The following CAMK1D variants were observed in gnomAD, a reference collection of about 807,000 sequenced individuals.
The protein encoded by CAMK1D is calcium/calmodulin-dependent protein kinase type 1D.
Under a neutral mutation model 47.7 loss-of-function variants are expected in CAMK1D, and 9 were observed. The ratio of observed to expected loss-of-function variants is 0.19; its 90% confidence interval spans 0.11 to 0.33. The LOEUF (loss-of-function observed/expected upper bound fraction) is 0.33. Among genes scored for constraint, CAMK1D ranks in the 10% least tolerant of loss-of-function variants. The pLI is 1.00. For missense variants in CAMK1D, 291 were observed against 488.7 expected (o/e 0.60, Z 3.81); for synonymous variants, 184 against 184.9 (o/e 0.99, Z 0.04).
intron 1 of CAMK1D, among the ~76,000 whole-genome samples, chr10:12,546,603 A>G (rs866141725): frequency 6.6e-6 from 1 of 152,088 alleles, no homozygotes; most frequent in Middle Eastern, 3.2e-3. Flanking sequence ...AATGTGGCAC[A>G]TATACACCAT....
intron 2 of CAMK1D, among the ~76,000 whole-genome samples, chr10:12,593,194 G>A (rs528965850): frequency 6.6e-6 from 1 of 152,170 alleles, no homozygotes; most frequent in African/African-American, 2.4e-5. Flanking sequence ...CAGGTGGTGG[G>A]CCAGTTGTAG....
At chr10:12,392,287 G>A (rs1838763974) in intron 1 of CAMK1D, among the ~76,000 whole-genome samples, 1 of 152,082 alleles carries the variant, frequency 6.6e-6, no homozygotes. Flanking sequence ...GGGTGATACA[G>A]CAAGACTCTG....
intron 1 of CAMK1D, among the ~76,000 whole-genome samples, chr10:12,366,184 C>T (rs921098690): frequency 4.6e-5 from 7 of 152,244 alleles, no homozygotes; most frequent in African/African-American, 1.7e-4. Context: ...AAGTTACCAA[C>T]ACAAACCCCA....
intron 10 of CAMK1D, among the ~76,000 whole-genome samples, chr10:12,827,184 C>T (rs199589490): frequency 7.9e-5 from 11 of 138,470 alleles, no homozygotes; most frequent in South Asian, 2.4e-4. Context: ...TCTCTTCTCT[C>T]TTTTCTTTTC....
chr10:12,353,227 A>G (rs1289247506), intron 1 of CAMK1D, among the ~76,000 whole-genome samples: 1 of 152,154 alleles, frequency 6.6e-6, no homozygotes, highest in East Asian at 1.9e-4. Context: ...ACAATTAACC[A>G]CTGGCATTCA....
intron 2 of CAMK1D, among the ~76,000 whole-genome samples, chr10:12,572,144 G>A (rs897318272): frequency 1.3e-5 from 2 of 151,452 alleles, no homozygotes; most frequent in African/African-American, 4.9e-5. Context: ...GGAAGTGGAA[G>A]ACTCTTGATT....
chr10:12,615,965 TATGTGTGC>T (rs1271090009), intron 2 of CAMK1D, among the ~76,000 whole-genome samples: 1 of 151,282 alleles, frequency 6.6e-6, no homozygotes, highest in Non-Finnish European at 1.5e-5. Flanking sequence ...CATAGGTGTG[TATGTGTGC>T]ATGTGTGTTG....
chr10:12,404,058 T>C (rs1170145254), intron 1 of CAMK1D, among the ~76,000 whole-genome samples: 1 of 151,846 alleles, frequency 6.6e-6, no homozygotes, highest in African/African-American at 2.4e-5. Flanking sequence ...TTTCTTTTTT[T>C]TTTTGAGACT....
chr10:12,633,022 C>G (rs928607416), intron 2 of CAMK1D, among the ~76,000 whole-genome samples: 8 of 152,168 alleles, frequency 5.3e-5, no homozygotes, highest in African/African-American at 9.7e-5. Flanking sequence ...GCCTCATGCT[C>G]AGGTTGAAAT....
chr10:12,633,371 G>A (rs1164674243), intron 2 of CAMK1D, among the ~76,000 whole-genome samples: 3 of 152,124 alleles, frequency 2.0e-5, no homozygotes, highest in East Asian at 1.9e-4. Flanking sequence ...TCAAATAACC[G>A]AGGTTTCTGG....
At chr10:12,726,198 G>C (rs964094255) in intron 3 of CAMK1D, among the ~76,000 whole-genome samples, 1 of 151,982 alleles carries the variant, frequency 6.6e-6, no homozygotes, top group South Asian at 2.1e-4. Context: ...GGCCTAGGCG[G>C]GTGGATCACA....
chr10:12,480,291 TG>T (rs752295153), intron 1 of CAMK1D, among the ~76,000 whole-genome samples: 21 of 152,066 alleles, frequency 1.4e-4, no homozygotes, highest in Non-Finnish European at 2.2e-4. Context: ...AAAAATTAGC[TG>T]GACGTGATAG....
At chr10:12,422,516 G>A (rs1840089220) in intron 1 of CAMK1D, among the ~76,000 whole-genome samples, 1 of 152,098 alleles carries the variant, frequency 6.6e-6, no homozygotes, top group African/African-American at 2.4e-5. Flanking sequence ...TGGATTCCAA[G>A]CTGCAGCATG....
chr10:12,588,536 T>C (rs1837887980), intron 2 of CAMK1D, among the ~76,000 whole-genome samples: 1 of 152,156 alleles, frequency 6.6e-6, no homozygotes, highest in South Asian at 2.1e-4. Flanking sequence ...TTTTTTCTTT[T>C]TGCGAACTGA....
At chr10:12,440,577 C>CAGTAAAA (rs1171831290) in intron 1 of CAMK1D, among the ~76,000 whole-genome samples, 110 of 152,312 alleles carry the variant, frequency 7.2e-4, no homozygotes, top group African/African-American at 2.6e-3. Flanking sequence ...TGTGAGCCAC[C>CAGTAAAA]ATGCCCAGCC....
chr10:12,799,117 G>A (rs1482154169), intron 6 of CAMK1D, among the ~76,000 whole-genome samples: 1 of 152,164 alleles, frequency 6.6e-6, no homozygotes, highest in Non-Finnish European at 1.5e-5. Context: ...TGGAGGACAC[G>A]GGTGGGAGGA....
At chr10:12,559,894 G>C (rs531630812) in intron 2 of CAMK1D, among the ~76,000 whole-genome samples, 283 of 152,282 alleles carry the variant, frequency 1.9e-3, no homozygotes, top group Non-Finnish European at 2.9e-3. Context: ...AGGATGCTGG[G>C]CTGGAGTCCC....
intron 1 of CAMK1D, among the ~76,000 whole-genome samples, chr10:12,505,200 A>G (rs767449599): frequency 3.3e-5 from 5 of 152,196 alleles, no homozygotes; most frequent in African/African-American, 4.8e-5. Flanking sequence ...GTGCGGTTGT[A>G]GAGGAGCAAA....
chr10:12,673,522 G>A (rs1840698288), intron 3 of CAMK1D, among the ~76,000 whole-genome samples: 1 of 152,098 alleles, frequency 6.6e-6, no homozygotes, highest in African/African-American at 2.4e-5. Flanking sequence ...TAGTTCCAGT[G>A]TTGTTTTGTG....
Sources: gnomAD v4.1 joint callset for allele counts (sites outside exome capture counted in the v4.1 genomes callset) on GRCh38, gnomAD v4.1.1 for gene constraint, MANE v1.5 for transcripts, NCBI Gene and HGNC (gene_info 2026-07-23, HGNC 2026-07-21) for gene names.